ACAN: variants seen among roughly 807,000 people sequenced by gnomAD.
The protein encoded by ACAN is aggrecan, also known as aggrecan core protein.
In ACAN, 47 loss-of-function variants were observed where a neutral mutation model predicts 169.1. The ratio of observed to expected loss-of-function variants is 0.28; its 90% CI spans 0.22 to 0.35. The LOEUF (loss-of-function observed/expected upper bound fraction) is 0.35, where lower values mean the gene tolerates loss of function less well. Ranked by LOEUF, ACAN falls within the 10% of genes least tolerant of loss-of-function variation. ACAN has a pLI of 1.00. For missense variants in ACAN, 2,716 were observed against 2,759.9 expected, an observed-to-expected ratio of 0.98 and a Z score of 0.36; for synonymous variants, 1,115 against 1,112.2, an observed-to-expected ratio of 1.00 and a Z score of -0.05.
intron 1 of ACAN, among the ~76,000 whole-genome samples, chr15:88,825,394 A>G (rs1205405595): frequency 6.6e-6 from 1 of 152,212 alleles, no homozygotes; most frequent in Non-Finnish European, 1.5e-5. Context: ...ACTGGAAATA[A>G]GTAATTTCCA....
rs146174068 is a variant in ACAN, at chr15:88,851,619, A to G, written c.2027-175A>G. Reference sequence around the variant, plus strand: ...TAAAGTGCTGATGGTGCATATGGATATTATATCATTGGTGCCGATGGCTCT... The same window carrying G: ...TAAAGTGCTGATGGTGCATATGGATGTTATATCATTGGTGCCGATGGCTCT... On this transcript the variant is annotated intron_variant, in intron 10 of 18. Coordinates refer to ENST00000560601, the MANE Select transcript of ACAN (RefSeq NM_001369268.1). This position sits in a 1 kb window ranked among gnomAD's most constrained non-coding sequence, Gnocchi z 4.3. 1.8e-4 allele frequency: 122 copies of G among 669,650 alleles called. No homozygotes were observed. The African/African-American group carries it at 2.1e-3, about 11-fold the overall frequency. 41.5% of individuals were successfully genotyped at this position (669,650 alleles called of 1,614,324 possible).
chr15:88,809,792 G>A (rs1895773781), intron 1 of ACAN, among the ~76,000 whole-genome samples: 2 of 152,202 alleles, frequency 1.3e-5, no homozygotes, highest in South Asian at 4.1e-4. Flanking sequence ...GGAGGTAGAG[G>A]GGTGGGGGTT....
rs1897375353 is a variant in ACAN at position 88,871,404 on chromosome 15, C to T, written c.7083C>T (p.Gly2361=). 3 of 1,613,752 alleles carry T rather than the reference C, an allele frequency of 1.9e-6. No homozygotes were observed. Among genetic ancestry groups the T allele is most frequent in the Non-Finnish European group, 1.7e-6 (2 of 1,179,892 alleles). The change falls in exon 15 of 19, where the codon GGC becomes GGT. Residue 2361 remains glycine, a synonymous_variant. Coordinates refer to ENST00000560601, the MANE Select transcript of ACAN (RefSeq NM_001369268.1). The surrounding 1 kb of genome is among the most constrained non-coding windows in gnomAD (Gnocchi z 7.8). ...CAGACCAGGAGGTATGTGAGGAGGG[C>T]TGGAACAAGTACCAGGGCCACTGTT... The part of the protein sequence containing the change: ...CEIDQEVCEE[G]WNKYQGHCYR...
rs766407927 is a variant in ACAN at position 88,838,634 on chromosome 15, C to T, written c.71-29C>T. 17 of 1,549,966 alleles carry T rather than the reference C, an allele frequency of 1.1e-5. No individual in the cohort carries two copies. The highest frequency in any genetic ancestry group is 2.3e-5 in the East Asian group (1 of 44,278). On this transcript the variant is annotated intron_variant, in intron 2 of 18. Transcript: ENST00000560601. This position sits in a 1 kb window ranked among gnomAD's most constrained non-coding sequence, Gnocchi z 5.1. ...TGGTCCTCTCTAGGCACTAACAGGT[C>T]TCTCTTCTACCCCACCTCTCCCACA...
rs1311657115 is a variant in ACAN, at chr15:88,858,094, G to A, written c.5509G>A (p.Val1837Ile). 1 of 1,613,874 alleles carries A rather than the reference G, an allele frequency of 6.2e-7. No individual in the cohort carries two copies. Among genetic ancestry groups the A allele is most frequent in the Admixed American group, 1.7e-5 (1 of 60,022 alleles). Reference protein sequence around the residue: ...SGITFVDTSLVEVAPTTFKEE... With the variant: ...SGITFVDTSLIEVAPTTFKEE... ...GATTACATTTGTGGACACCAGTTTG[G>A]TTGAAGTGGCCCCTACTACATTTAA... Residue 1837 changes from valine to isoleucine, a missense_variant, in exon 12 of 19, where the codon GTT becomes ATT. By Grantham distance (29) the Val-to-Ile change is conservative. Around this residue, in one of 3 missense-constraint regions of ACAN, gnomAD observed 1,389 missense variants for 1,363.7 expected, o/e 1.02. Transcript: ENST00000560601. The surrounding 1 kb of genome is among the most constrained non-coding windows in gnomAD (Gnocchi z 4.0).
intron 6 of ACAN, among the ~76,000 whole-genome samples, chr15:88,844,971 C>A (rs1896757430): frequency 6.6e-6 from 1 of 152,178 alleles, no homozygotes; most frequent in Non-Finnish European, 1.5e-5. Context: ...CTCTCTTAAC[C>A]TTTTGGTATT....
Position 88,857,933 on chromosome 15 carries a change from C to A in ACAN, c.5348C>A (p.Thr1783Asn). 6.2e-7 allele frequency: 1 copy of A among 1,613,784 alleles called. No homozygotes were observed. The highest frequency in any genetic ancestry group is 1.1e-5 in the South Asian group (1 of 91,062). The change falls in exon 12 of 19, where the codon ACT (threonine) becomes AAT (asparagine). Residue 1783 changes from threonine (T) to asparagine (N), a missense_variant. By Grantham distance (65) the Thr-to-Asn change is moderately conservative. Transcript: ENST00000560601. ...LYGTSQPFGITDLSGETSGVP... is the reference protein window; with the variant it reads ...LYGTSQPFGINDLSGETSGVP... ...GGCACTAGTCAACCCTTTGGCATAA[C>A]TGATCTGAGTGGAGAAACATCTGGG...
chr15:88,874,570 C>T lies in ACAN; in HGVS notation c.*89C>T, dbSNP rs756732368. 8.8e-6 allele frequency: 11 copies of T among 1,249,776 alleles called. No homozygotes were observed. The highest frequency in any genetic ancestry group is 4.0e-5 in the Admixed American group (2 of 50,606). The allele number at this position is 1,249,776 out of a possible 1,614,324, so 77.4% of individuals were successfully genotyped here. On this transcript the variant is annotated 3_prime_UTR_variant, in exon 19 of 19. Coordinates refer to ENST00000560601, the MANE Select transcript of ACAN (RefSeq NM_001369268.1). The surrounding 1 kb of genome is among the most constrained non-coding windows in gnomAD (Gnocchi z 7.3). ...CACCCAGACGGTGTCCTCTTCTTGTCGCTTTTTGTCATATAAGGAATCCCA... is the reference window on the plus strand; with the variant it reads ...CACCCAGACGGTGTCCTCTTCTTGTTGCTTTTTGTCATATAAGGAATCCCA...
rs181541436 is a variant in ACAN at position 88,858,445 on chromosome 15, G to A, written c.5860G>A (p.Ala1954Thr). 3 of 1,613,558 alleles carry A rather than the reference G, an allele frequency of 1.9e-6. No individual in the cohort carries two copies. The highest frequency in any genetic ancestry group is 2.2e-5 in the East Asian group (1 of 44,882). ...SVTQAPTAQE[A>T]GEGPSGILEL... ...AACCCAGGCTCCAACAGCCCAAGAG[G>A]CAGGAGAAGGGCCTTCTGGCATTTT... The change falls in exon 12 of 19, where the codon GCA becomes ACA. Residue 1954 changes from alanine (A) to threonine (T), a missense_variant. Physicochemically the swap from Ala to Thr is moderately conservative, Grantham distance 58 (BLOSUM62 0). Around this residue, in one of 3 missense-constraint regions of ACAN, gnomAD observed 1,389 missense variants for 1,363.7 expected, o/e 1.02. Coordinates refer to ENST00000560601, the MANE Select transcript of ACAN (RefSeq NM_001369268.1). The surrounding 1 kb of genome is among the most constrained non-coding windows in gnomAD (Gnocchi z 4.0).
In ACAN at chr15:88,858,952, G is replaced by C. The variant is rs1257260023; in HGVS notation, c.6367G>C (p.Asp2123His). The change falls in exon 12 of 19, where the codon GAT (aspartate) becomes CAT (histidine). Residue 2123 changes from aspartate (D) to histidine (H), a missense_variant. Physicochemically the swap from Asp to His is moderately conservative, Grantham distance 81. Coordinates refer to ENST00000560601, the MANE Select transcript of ACAN (RefSeq NM_001369268.1). The surrounding 1 kb of genome is among the most constrained non-coding windows in gnomAD (Gnocchi z 4.0). Reference sequence around the variant, plus strand: ...TGCCGCCCCTGAGGCCAGCAGAGAAGATTCTGGGTCCCCTGATCTGAGTGA... The same window carrying C: ...TGCCGCCCCTGAGGCCAGCAGAGAACATTCTGGGTCCCCTGATCTGAGTGA... ...ASAAPEASRE[D>H]SGSPDLSETT... 2 of 1,611,966 alleles carry C rather than the reference G, an allele frequency of 1.2e-6. No homozygotes were observed. Among genetic ancestry groups the C allele is most frequent in the African/African-American group, 1.3e-5 (1 of 74,876 alleles).
At chr15:88,847,743 G>A (rs1896830197) in intron 8 of ACAN, among the ~76,000 whole-genome samples, 168 bp from the exon 9 acceptor site, 1 of 152,152 alleles carries the variant, frequency 6.6e-6, no homozygotes, top group Non-Finnish European at 1.5e-5. Flanking sequence ...CCTTCCCCCA[G>A]GCTGCTCAGA....
chr15:88,842,868 C>A (rs1178138077), intron 5 of ACAN, among the ~76,000 whole-genome samples: 1 of 152,128 alleles, frequency 6.6e-6, no homozygotes, highest in Non-Finnish European at 1.5e-5. Context: ...TCATGGTCCT[C>A]GAATGATGCT....
At chr15:88,810,082 C>T (rs1025489464) in intron 1 of ACAN, among the ~76,000 whole-genome samples, 5 of 152,136 alleles carry the variant, frequency 3.3e-5, no homozygotes, top group African/African-American at 9.7e-5. Flanking sequence ...CTTCATTATG[C>T]AGAGGGGGAG....
chr15:88,816,407 G>A (rs992192307), intron 1 of ACAN, among the ~76,000 whole-genome samples: 11 of 152,262 alleles, frequency 7.2e-5, no homozygotes, highest in African/African-American at 2.6e-4. Flanking sequence ...TTCTCCCATC[G>A]GTCAGTGCTT....
At chr15:88,841,110 A>C (rs1896649700) in intron 4 of ACAN, among the ~76,000 whole-genome samples, 1 of 152,240 alleles carries the variant, frequency 6.6e-6, no homozygotes, top group Non-Finnish European at 1.5e-5. Context: ...GCGCCACTGC[A>C]CTCCAGCCTA....
intron 13 of ACAN, among the ~76,000 whole-genome samples, chr15:88,864,466 T>C (rs1352080185): frequency 1.3e-5 from 2 of 152,246 alleles, no homozygotes; most frequent in East Asian, 3.9e-4. Context: ...GGGATTTCAC[T>C]ATGTTGGCCA....
Position 88,803,512 on chromosome 15 carries a change from C to G in ACAN, c.-305C>G, listed in dbSNP as rs559776025. The G allele has an allele frequency of 2.7e-5, 4 of 149,694 alleles. No individual in the cohort carries two copies. The South Asian group carries it at 8.5e-4, about 32-fold the overall frequency. The allele number at this position is 149,694 out of a possible 1,614,324, so 9.3% of individuals were successfully genotyped here. ...ACGCGCGCAGCGCTGCTCAAGGTCTCTCTCTCTCAGCACCCTCGCCGGCCG... is the reference window on the plus strand; with the variant it reads ...ACGCGCGCAGCGCTGCTCAAGGTCTGTCTCTCTCAGCACCCTCGCCGGCCG... On this transcript the variant is annotated 5_prime_UTR_variant, in exon 1 of 19. Coordinates refer to ENST00000560601, the MANE Select transcript of ACAN (RefSeq NM_001369268.1).
In ACAN at chr15:88,872,753, A is replaced by T. The variant is rs1039617818; in HGVS notation, c.7303-128A>T. 2.5e-6 allele frequency: 3 copies of T among 1,193,148 alleles called. No homozygotes were observed. In the African/African-American group the frequency reaches 4.6e-5, roughly 18 times the overall value. 73.9% of individuals were successfully genotyped at this position (1,193,148 alleles called of 1,614,324 possible). ...TCCCAGCAGTTTTTGTGCTGCTATC[A>T]GATGAGCCTGAAGTTGGTGCTAAAA... On this transcript the variant is annotated intron_variant, in intron 16 of 18. Coordinates refer to ENST00000560601, the MANE Select transcript of ACAN (RefSeq NM_001369268.1). This position sits in a 1 kb window ranked among gnomAD's most constrained non-coding sequence, Gnocchi z 5.4.
intron 6 of ACAN, among the ~76,000 whole-genome samples, chr15:88,844,556 T>G (rs1232818313): frequency 6.6e-6 from 1 of 151,990 alleles, no homozygotes; most frequent in Non-Finnish European, 1.5e-5. Flanking sequence ...GTATTTTTAG[T>G]AGAGATGGGT....
Sources: allele counts gnomAD v4.1 joint callset (sites outside exome capture counted in the v4.1 genomes callset), GRCh38; gene constraint gnomAD v4.1.1; regional missense constraint gnomAD v4.1.1; non-coding constraint Gnocchi (gnomAD v3.1); transcripts MANE v1.5; gene names NCBI Gene and HGNC (gene_info 2026-07-23, HGNC 2026-07-21).